Variants in DRC8 observed in about 807,000 individuals in gnomAD.
DRC8 encodes the protein dynein regulatory complex subunit 8.
At chr1:244,986,067 T>A in the DRC8 span, among the ~76,000 whole-genome samples, 28 of 151,912 alleles carry the variant, frequency 1.8e-4, no homozygotes, top group African/African-American at 6.5e-4. Context: ...GTGATTCTTA[T>A]GCCTCAGCCT....
the DRC8 span, among the ~76,000 whole-genome samples, chr1:245,050,213 T>A: frequency 6.6e-6 from 1 of 152,204 alleles, no homozygotes; most frequent in East Asian, 1.9e-4. Flanking sequence ...CTTTTGTTCT[T>A]ATCCCCGTTG....
the DRC8 span, among the ~76,000 whole-genome samples, chr1:245,079,462 C>T: frequency 1.2e-4 from 19 of 152,188 alleles, no homozygotes; most frequent in South Asian, 3.7e-3. Context: ...GAAAGATCTG[C>T]GGAGTTGGCA....
chr1:245,115,394 G>T, the DRC8 span, among the ~76,000 whole-genome samples: 1 of 152,216 alleles, frequency 6.6e-6, no homozygotes, highest in African/African-American at 2.4e-5. Flanking sequence ...TTAGCAATGG[G>T]GAGGGAATAG....
the DRC8 span, among the ~76,000 whole-genome samples, chr1:245,090,167 C>T: frequency 0.013 from 1,956 of 152,224 alleles, 82 homozygotes; most frequent in East Asian, 0.13. Flanking sequence ...AAAGCAGTTC[C>T]GATGGTGTCC....
At chr1:244,991,665 G>A in the DRC8 span, among the ~76,000 whole-genome samples, 1 of 152,128 alleles carries the variant, frequency 6.6e-6, no homozygotes, top group South Asian at 2.1e-4. Context: ...GTAGGAGTCA[G>A]GGCCTGTTTG....
At chr1:244,983,635 G>T in the DRC8 span, among the ~76,000 whole-genome samples, 1 of 151,754 alleles carries the variant, frequency 6.6e-6, no homozygotes, top group South Asian at 2.1e-4. Flanking sequence ...AGCTACTCGG[G>T]AGGCCGAGGC....
chr1:245,027,870 GTT>G, the DRC8 span, among the ~76,000 whole-genome samples: 33 of 137,962 alleles, frequency 2.4e-4, no homozygotes, highest in African/African-American at 4.3e-4. Flanking sequence ...TCTCTTGTCA[GTT>G]TTTTTTTTTT....
the DRC8 span, chr1:245,002,088 C>T: frequency 6.5e-7 from 1 of 1,537,360 alleles, no homozygotes. Flanking sequence ...TTATTGATCA[C>T]CAAGTACTCT....
chr1:245,039,300 C>CAAAAAAAA, the DRC8 span, among the ~76,000 whole-genome samples: 2 of 27,474 alleles, frequency 7.3e-5, no homozygotes, highest in African/African-American at 1.6e-4. Context: ...CTTGTCTCTA[C>CAAAAAAAA]AAAAAAAAAA....
the DRC8 span, among the ~76,000 whole-genome samples, chr1:245,002,786 TTAAG>T: frequency 6.6e-6 from 1 of 151,772 alleles, no homozygotes; most frequent in Admixed American, 6.6e-5. Flanking sequence ...TGAATTATTT[TTAAG>T]TAAGAGAAAA....
the DRC8 span, among the ~76,000 whole-genome samples, chr1:244,992,481 A>G: frequency 6.6e-6 from 1 of 152,192 alleles, no homozygotes; most frequent in East Asian, 1.9e-4. Context: ...GCTCACTCCT[A>G]TAATCCCAGC....
At chr1:245,089,305 C>T in the DRC8 span, among the ~76,000 whole-genome samples, 1 of 152,078 alleles carries the variant, frequency 6.6e-6, no homozygotes, top group East Asian at 1.9e-4. The surrounding 1 kb of genome is among the most constrained non-coding windows in gnomAD (Gnocchi z 4.8). Context: ...GGAGATCTGG[C>T]TGGAGACCTG....
At chr1:245,058,431 A>C in the DRC8 span, among the ~76,000 whole-genome samples, 1 of 152,206 alleles carries the variant, frequency 6.6e-6, no homozygotes, top group African/African-American at 2.4e-5. Flanking sequence ...TTCACTTTTA[A>C]GTTGATACTT....
At chr1:245,005,215 G>C in the DRC8 span, among the ~76,000 whole-genome samples, 1 of 151,146 alleles carries the variant, frequency 6.6e-6, no homozygotes, top group Non-Finnish European at 1.5e-5. Context: ...AATGGATGTT[G>C]GTTTGTAGTT....
At chr1:245,040,834 T>A in the DRC8 span, among the ~76,000 whole-genome samples, 5 of 152,204 alleles carry the variant, frequency 3.3e-5, no homozygotes, top group Non-Finnish European at 2.9e-5. Context: ...TTATTAAGTG[T>A]GAGCTTTTTC....
chr1:244,979,733 C>T, the DRC8 span, among the ~76,000 whole-genome samples: 1 of 151,922 alleles, frequency 6.6e-6, no homozygotes, highest in Admixed American at 6.6e-5. Context: ...TGAGCCACGA[C>T]TCCCAGCCCC....
At chr1:245,018,984 G>A in the DRC8 span, among the ~76,000 whole-genome samples, 1 of 152,104 alleles carries the variant, frequency 6.6e-6, no homozygotes, top group African/African-American at 2.4e-5. Context: ...GACATCAGGG[G>A]CTTCTCTTCT....
At chr1:245,054,467 G>A in the DRC8 span, among the ~76,000 whole-genome samples, 9 of 152,226 alleles carry the variant, frequency 5.9e-5, no homozygotes, top group South Asian at 1.9e-3. Context: ...ACTAACTCCA[G>A]TGGCTGTTTC....
the DRC8 span, among the ~76,000 whole-genome samples, chr1:245,110,876 T>C: frequency 2.0e-5 from 3 of 152,342 alleles, no homozygotes; most frequent in East Asian, 5.8e-4. Context: ...AAGGGTTTGC[T>C]AGCTTTTAGT....
Sources: allele counts gnomAD v4.1 joint callset (sites outside exome capture counted in the v4.1 genomes callset), GRCh38; gene constraint gnomAD v4.1.1; non-coding constraint Gnocchi (gnomAD v3.1); transcripts MANE v1.5; gene names NCBI Gene and HGNC (gene_info 2026-07-23, HGNC 2026-07-21).